SASH1: variants seen among roughly 807,000 people sequenced by gnomAD.
SASH1 encodes the protein SAM and SH3 domain containing 1.
SASH1 carries 44 observed loss-of-function variants against 125.2 expected under a neutral mutation model. The ratio of observed to expected loss-of-function variants is 0.35; its 90% CI spans 0.28 to 0.45. SASH1 has a LOEUF of 0.45. Among genes scored for constraint, SASH1 ranks in the 20% least tolerant of loss-of-function variants. SASH1 has a pLI of 1.00. For synonymous variants in SASH1, 639 were observed against 649.1 expected (o/e 0.98, Z 0.24); for missense variants, 1,426 against 1,614.5 (o/e 0.88, Z 2.00).
the SASH1 span, among the ~76,000 whole-genome samples, chr6:148,203,043 T>G: frequency 6.6e-6 from 1 of 152,192 alleles, no homozygotes; most frequent in East Asian, 1.9e-4. Context: ...AAGAAAAATT[T>G]AGAAATGGGA....
At chr6:148,305,425 C>A (rs1780099901) in intron 1 of SASH1, among the ~76,000 whole-genome samples, 3 of 152,060 alleles carry the variant, frequency 2.0e-5, no homozygotes, top group Non-Finnish European at 4.4e-5. Context: ...GGCCAAGAGA[C>A]CAGCCTGGTC....
chr6:148,304,234 C>A (rs1224998445), intron 1 of SASH1, among the ~76,000 whole-genome samples: 1 of 151,902 alleles, frequency 6.6e-6, no homozygotes, highest in Non-Finnish European at 1.5e-5. Context: ...GTCAGAAGAT[C>A]AAGACCATCC....
At chr6:148,446,138 T>C (rs1776771878) in intron 4 of SASH1, among the ~76,000 whole-genome samples, 2 of 122,342 alleles carry the variant, frequency 1.6e-5, no homozygotes, top group Admixed American at 9.9e-5. Flanking sequence ...AGACGGAGCC[T>C]CACTCTGTCG....
intron 2 of SASH1, among the ~76,000 whole-genome samples, chr6:148,432,683 T>A (rs1379842760): frequency 1.3e-5 from 2 of 152,220 alleles, no homozygotes; most frequent in Non-Finnish European, 2.9e-5. Flanking sequence ...GGGGGATTTG[T>A]CCCTCCTGCT....
chr6:148,298,649 G>A (rs1349334892), intron 1 of SASH1, among the ~76,000 whole-genome samples: 2 of 85,918 alleles, frequency 2.3e-5, no homozygotes, highest in African/African-American at 9.2e-5. Flanking sequence ...AAGGAAGGAA[G>A]GGAGGGAGGG....
At chr6:148,339,533 AATATAGATATCT>A (rs1239343326), upstream of SASH1, among the ~76,000 whole-genome samples, 2 of 150,886 alleles carry the variant, frequency 1.3e-5, no homozygotes, top group African/African-American at 4.9e-5. Context: ...TATAATTATA[AATATAGATATCT>A]ATATAAATAT....
intron 2 of SASH1, among the ~76,000 whole-genome samples, chr6:148,392,286 CAAA>C (rs61537766): frequency 9.5e-5 from 11 of 116,064 alleles, no homozygotes; most frequent in Admixed American, 1.8e-4. Context: ...AACTCTGTCT[CAAA>C]AAAAAAAAAA....
chr6:148,201,210 T>G, the SASH1 span, among the ~76,000 whole-genome samples: 26 of 152,298 alleles, frequency 1.7e-4, no homozygotes, highest in Middle Eastern at 6.8e-3. Flanking sequence ...TCATAATAAT[T>G]AACATGTATG....
chr6:148,308,706 T>C (rs1163282001), intron 1 of SASH1, among the ~76,000 whole-genome samples: 1 of 135,472 alleles, frequency 7.4e-6, no homozygotes, highest in Non-Finnish European at 1.6e-5. Flanking sequence ...ACTTAGGAGC[T>C]TTTTAAAGTA....
intron 4 of SASH1, among the ~76,000 whole-genome samples, chr6:148,446,433 G>T (rs1017654374): frequency 6.6e-6 from 1 of 152,096 alleles, no homozygotes; most frequent in African/African-American, 2.4e-5. Context: ...AGGAAAGAGG[G>T]TGAATAGACA....
chr6:148,206,831 A>ACACAC, the SASH1 span, among the ~76,000 whole-genome samples: 3 of 151,218 alleles, frequency 2.0e-5, no homozygotes, highest in Non-Finnish European at 2.9e-5. Context: ...ACACACACAC[A>ACACAC]AATTAACATA....
chr6:148,540,694 G>A lies in SASH1; in HGVS notation c.2209+138G>A, dbSNP rs1468396813. On this transcript the variant is annotated intron_variant, in intron 17 of 19. Transcript: ENST00000367467. ...CCTTTCTCACCTCTACACCATTCTAGTCCAAGTTAGCCTCCCTATCTATTC... is the reference window on the plus strand; with the variant it reads ...CCTTTCTCACCTCTACACCATTCTAATCCAAGTTAGCCTCCCTATCTATTC... 4 of 651,526 alleles carry A rather than the reference G, an allele frequency of 6.1e-6. No homozygotes were observed. In the Admixed American group the frequency reaches 1.0e-4, roughly 16 times the overall value. The allele number at this position is 651,526 out of a possible 1,614,324, so 40.4% of individuals were successfully genotyped here.
the SASH1 span, among the ~76,000 whole-genome samples, chr6:148,243,390 A>T: frequency 1.4e-5 from 2 of 145,568 alleles, no homozygotes; most frequent in African/African-American, 2.6e-5. Context: ...GTGGAGGTTG[A>T]GGTGAGCCAA....
intron 8 of SASH1, among the ~76,000 whole-genome samples, chr6:148,511,050 T>C (rs1265780508): frequency 6.7e-6 from 1 of 149,438 alleles, no homozygotes; most frequent in Non-Finnish European, 1.5e-5. Flanking sequence ...ATTTGGGAAG[T>C]GGAATATACT....
Position 148,534,868 on chromosome 6 carries a change from T to A in SASH1, c.2062T>A (p.Leu688Met). Residue 688 changes from leucine to methionine, a missense_variant, in exon 16 of 20, where the codon TTG (leucine) becomes ATG (methionine). Physicochemically the swap from Leu to Met is conservative, Grantham distance 15. This residue lies in a region of SASH1 where 225 missense variants were observed against 344.5 expected (regional missense o/e 0.65). Coordinates refer to ENST00000367467, the MANE Select transcript of SASH1 (RefSeq NM_015278.5). ...GGACCCGGAACACAGAGCTGTTCTC[T>A]TGACAGCAGTGGAGCTGTTACAAGA... is the stretch of plus-strand genomic sequence containing the variant. ...IRDPEHRAVL[L>M]TAVELLQEYD... The A allele has an allele frequency of 1.2e-6, 2 of 1,614,256 alleles. No homozygotes were observed. Among genetic ancestry groups the A allele is most frequent in the Non-Finnish European group, 1.7e-6 (2 of 1,180,038 alleles).
intron 1 of SASH1, among the ~76,000 whole-genome samples, chr6:148,361,826 T>C (rs956498631): frequency 6.6e-6 from 1 of 151,870 alleles, no homozygotes; most frequent in Non-Finnish European, 1.5e-5. Flanking sequence ...TCCTCCAGGG[T>C]ACTTAGTGAG....
At chr6:148,343,372 A>G (rs1781408684) in intron 1 of SASH1, 149 bp downstream of exon 1, 7 of 635,566 alleles carry the variant, frequency 1.1e-5, no homozygotes, top group Admixed American at 6.8e-5. Context: ...CTAAATACAC[A>G]CAGTATAGGA....
At chr6:148,425,050 T>TG (rs1724919748) in intron 2 of SASH1, among the ~76,000 whole-genome samples, 1 of 152,148 alleles carries the variant, frequency 6.6e-6, no homozygotes, top group African/African-American at 2.4e-5. Flanking sequence ...GGATGGGTGA[T>TG]GTGTACTTCA....
At chr6:148,494,583 C>T (rs12191542) in intron 8 of SASH1, among the ~76,000 whole-genome samples, 36,531 of 151,914 alleles carry the variant, frequency 0.24, 5,005 homozygotes, top group Middle Eastern at 0.35. Flanking sequence ...GCCGAGATCA[C>T]GCCACTGCTC....
Sources: allele counts gnomAD v4.1 joint callset (sites outside exome capture counted in the v4.1 genomes callset), GRCh38; gene constraint gnomAD v4.1.1; regional missense constraint gnomAD v4.1.1; transcripts MANE v1.5; gene names NCBI Gene and HGNC (gene_info 2026-07-23, HGNC 2026-07-21).